Variants in HTR3B observed in about 807,000 individuals in gnomAD.
The protein encoded by HTR3B is 5-hydroxytryptamine (serotonin) receptor 3B, ionotropic.
A neutral mutation model predicts 42.8 loss-of-function variants in HTR3B; 44 were observed. The observed-to-expected ratio is 1.03, with a 90% CI of 0.81 to 1.32. The LOEUF (loss-of-function observed/expected upper bound fraction) is 1.32. HTR3B is among the 40% of genes most tolerant of loss of function. The pLI is 0.00. For synonymous variants in HTR3B, 203 were observed against 209.0 expected, an observed-to-expected ratio of 0.97 and a Z score of 0.25; for missense variants, 527 against 536.5, an observed-to-expected ratio of 0.98 and a Z score of 0.17.
At chr11:113,919,890 T>C (rs577841222) in intron 2 of HTR3B, among the ~76,000 whole-genome samples, 3 of 152,096 alleles carry the variant, frequency 2.0e-5, no homozygotes, top group African/African-American at 4.8e-5. Flanking sequence ...GGTTTAAATT[T>C]TTTTTCCTTT....
At chr11:113,932,010 G>A (rs1950039847) in intron 4 of HTR3B, 143 bp downstream of exon 4, 2 of 656,250 alleles carry the variant, frequency 3.0e-6, no homozygotes, top group Non-Finnish European at 5.5e-6. Context: ...CAGGTTAGAA[G>A]TGCCATGTGT....
intron 6 of HTR3B, among the ~76,000 whole-genome samples, chr11:113,942,388 T>TG (rs891017328): frequency 6.6e-6 from 1 of 152,138 alleles, no homozygotes; most frequent in African/African-American, 2.4e-5. Flanking sequence ...TGCTTGAGCC[T>TG]GGGAGGTGGA....
intron 1 of HTR3B, among the ~76,000 whole-genome samples, chr11:113,905,798 A>T (rs1050013116): frequency 1.3e-5 from 2 of 152,196 alleles, no homozygotes; most frequent in African/African-American, 4.8e-5. Context: ...TGGAAGTGGA[A>T]TGAGTCAATT....
At chr11:113,926,599 G>C (rs748290563) in intron 2 of HTR3B, among the ~76,000 whole-genome samples, 2 of 150,284 alleles carry the variant, frequency 1.3e-5, no homozygotes, top group Non-Finnish European at 2.9e-5. Context: ...CACGATCTTG[G>C]CTCATTGCAA....
At chr11:113,918,268 C>T (rs1949876107) in intron 2 of HTR3B, among the ~76,000 whole-genome samples, 1 of 146,870 alleles carries the variant, frequency 6.8e-6, no homozygotes, top group Admixed American at 6.9e-5. Flanking sequence ...TGTGTGTACT[C>T]GTGTGTGTGT....
intron 6 of HTR3B, among the ~76,000 whole-genome samples, chr11:113,938,653 T>C (rs1370931115): frequency 6.6e-6 from 1 of 152,184 alleles, no homozygotes; most frequent in African/African-American, 2.4e-5. Flanking sequence ...AATGAGATAA[T>C]AAAAACAAAA....
chr11:113,902,131 C>T (rs1591566268), upstream of HTR3B, among the ~76,000 whole-genome samples: 1 of 152,192 alleles, frequency 6.6e-6, no homozygotes, highest in East Asian at 1.9e-4. Flanking sequence ...AACTGTGTAC[C>T]AAAGTTCCTC....
In HTR3B at chr11:113,944,682, C is replaced by T; in HGVS notation, c.1017C>T (p.Phe339=). 1 of 1,614,136 alleles carries T rather than the reference C, an allele frequency of 6.2e-7. No homozygotes were observed. The highest frequency in any genetic ancestry group is 8.5e-7 in the Non-Finnish European group (1 of 1,180,030). The change falls in exon 8 of 9, where the codon TTC becomes TTT. Residue 339 remains phenylalanine (F), a synonymous_variant. Coordinates refer to ENST00000260191, the MANE Select transcript of HTR3B (RefSeq NM_006028.5). ...DEQRGGQEQP[F]LCLRGDTDAD... Reference sequence around the variant, plus strand: ...AGCGTGGTGGACAGGAGCAGCCCTTCTTGTGCCTTCGAGGGGACACCGATG... The same window carrying T: ...AGCGTGGTGGACAGGAGCAGCCCTTTTTGTGCCTTCGAGGGGACACCGATG...
intron 1 of HTR3B, 60 bp from the exon 2 acceptor site, chr11:113,909,235 C>T (rs1949758825): frequency 7.4e-7 from 1 of 1,353,238 alleles, no homozygotes; most frequent in Non-Finnish European, 1.1e-6. Context: ...CAGTCTGAAA[C>T]CTCCTAAAGA....
chr11:113,920,483 C>A (rs753875322), intron 2 of HTR3B, among the ~76,000 whole-genome samples: 6 of 151,942 alleles, frequency 3.9e-5, no homozygotes, highest in Admixed American at 1.3e-4. Context: ...TCAAACGATT[C>A]TCCTGCCTCA....
chr11:113,947,816 C>T lies in HTR3B; in HGVS notation c.*1679C>T, dbSNP rs1279154529. On this transcript the variant is annotated 3_prime_UTR_variant, in exon 9 of 9. Transcript: ENST00000260191. ...AGGGGACATATTTCAGCCCATAACA[C>T]TAGTGATTCCGGAGGTTTAGCAAGT... is the stretch of plus-strand genomic sequence containing the variant. Among the ~76,000 whole-genome samples, 1 of 152,156 alleles carries T rather than the reference C, an allele frequency of 6.6e-6. No individual in the cohort carries two copies. The highest frequency in any genetic ancestry group is 2.4e-5 in the African/African-American group (1 of 41,440).
intron 6 of HTR3B, among the ~76,000 whole-genome samples, chr11:113,933,483 T>C (rs111804040): frequency 6.6e-6 from 1 of 150,528 alleles, no homozygotes; most frequent in African/African-American, 2.4e-5. Context: ...ATTATTGTCC[T>C]ATTTTTTTTT....
At chr11:113,910,852 CAG>C (rs1455590368) in intron 2 of HTR3B, among the ~76,000 whole-genome samples, 1 of 141,662 alleles carries the variant, frequency 7.1e-6, no homozygotes, top group Admixed American at 7.3e-5. Context: ...TTTTTTGAGA[CAG>C]AGTCTCGCTC....
chr11:113,904,855 G>A lies in HTR3B; in HGVS notation c.-79G>A. On this transcript the variant is annotated 5_prime_UTR_variant, in exon 1 of 9. Coordinates refer to ENST00000260191, the MANE Select transcript of HTR3B (RefSeq NM_006028.5). ...AGAAGGAGGAGAACAGAGTGGAGAG[G>A]AACCCTGTTAGGAGAAATTGAGCGG... 1 of 1,100,674 alleles carries A rather than the reference G, an allele frequency of 9.1e-7. No individual in the cohort carries two copies. The allele number at this position is 1,100,674 out of a possible 1,614,324, so 68.2% of individuals were successfully genotyped here.
chr11:113,900,056 C>T (rs574133684), upstream of HTR3B, among the ~76,000 whole-genome samples: 6 of 152,172 alleles, frequency 3.9e-5, no homozygotes, highest in Non-Finnish European at 8.8e-5. Flanking sequence ...CACCTGAGGT[C>T]AGGAGTTCGA....
chr11:113,944,312 C>T (rs1475609857), intron 7 of HTR3B, among the ~76,000 whole-genome samples: 1 of 152,126 alleles, frequency 6.6e-6, no homozygotes, highest in Non-Finnish European at 1.5e-5. Flanking sequence ...GCCACCAAGT[C>T]CGGCCGTGAG....
At position 113,904,865 on chromosome 11, in the gene HTR3B, A is replaced by T; in HGVS notation, c.-69A>T. On this transcript the variant is annotated 5_prime_UTR_variant, in exon 1 of 9. Transcript: ENST00000260191. ...GAACAGAGTGGAGAGGAACCCTGTT[A>T]GGAGAAATTGAGCGGCATTCCATCT... The T allele has an allele frequency of 8.3e-7, 1 of 1,204,740 alleles. No individual in the cohort carries two copies. 74.6% of individuals were successfully genotyped at this position (1,204,740 alleles called of 1,614,324 possible).
chr11:113,925,417 GTTTTTTTTTTTT>G (rs201996305), intron 2 of HTR3B, among the ~76,000 whole-genome samples: 2 of 100,720 alleles, frequency 2.0e-5, no homozygotes, highest in African/African-American at 3.8e-5. Flanking sequence ...TTACGAATTT[GTTTTTTTTTTTT>G]TTTTTTTTTT....
At chr11:113,944,421 A>G (rs1456552198) in intron 7 of HTR3B, 152 bp from the exon 8 acceptor site, 2 of 654,636 alleles carry the variant, frequency 3.1e-6, no homozygotes, top group African/African-American at 3.6e-5. Flanking sequence ...GAATCACTTC[A>G]GCCCAATACG....
Sources: gnomAD v4.1 joint callset for allele counts (sites outside exome capture counted in the v4.1 genomes callset) on GRCh38, gnomAD v4.1.1 for gene constraint, MANE v1.5 for transcripts, NCBI Gene and HGNC (gene_info 2026-07-23, HGNC 2026-07-21) for gene names.